CNTN3: variants seen among roughly 807,000 people sequenced by gnomAD.
CNTN3 encodes contactin 3, also known as contactin-3.
Under a neutral mutation model 119.1 loss-of-function variants are expected in CNTN3, and 60 were observed. That is an observed-to-expected ratio of 0.50 (90% confidence interval 0.41 to 0.62). CNTN3 has a LOEUF of 0.62. CNTN3 is among the 20% of genes least tolerant of loss of function. The pLI is 0.00. For synonymous variants in CNTN3, 450 were observed against 438.7 expected (o/e 1.03, Z -0.32); for missense variants, 1,101 against 1,242.4 (o/e 0.89, Z 1.71).
At chr3:74,470,158 T>C (rs908857183) in intron 4 of CNTN3, among the ~76,000 whole-genome samples, 3 of 152,084 alleles carry the variant, frequency 2.0e-5, no homozygotes, top group Non-Finnish European at 4.4e-5. Context: ...AGTAGATTCC[T>C]GCTTTTTAGG....
intron 4 of CNTN3, among the ~76,000 whole-genome samples, chr3:74,435,301 A>C (rs1285610928): frequency 1.3e-5 from 2 of 152,068 alleles, no homozygotes; most frequent in African/African-American, 4.8e-5. Context: ...CAGCCTCCCA[A>C]GTAGCTGGGT....
At chr3:74,382,893 G>A (rs949415246) in intron 5 of CNTN3, among the ~76,000 whole-genome samples, 8 of 152,100 alleles carry the variant, frequency 5.3e-5, no homozygotes, top group South Asian at 2.1e-4. Flanking sequence ...TAGTTTTTAC[G>A]TTGACCAATT....
rs955646804 is a variant in CNTN3, at chr3:74,602,073, C to T, written c.-81+12318G>A. Among the ~76,000 whole-genome samples, 9 of 151,922 alleles carry T rather than the reference C, an allele frequency of 5.9e-5. No homozygotes were observed. In the East Asian group the frequency reaches 1.6e-3, roughly 26 times the overall value. On this transcript the variant is annotated intron_variant, in intron 1 of 22. Transcript: ENST00000263665. ...CCTATAATCCCAGTACTTTGGGAGG[C>T]TTGAGACAGGAGGATCATTTCAGCC...
chr3:74,608,103 A>C (rs573305539), intron 1 of CNTN3, among the ~76,000 whole-genome samples: 23 of 152,350 alleles, frequency 1.5e-4, no homozygotes, highest in African/African-American at 5.3e-4. Flanking sequence ...ATTACTTTAA[A>C]ACAAAAAGCT....
At chr3:74,308,062 G>A (rs991451714) in intron 13 of CNTN3, among the ~76,000 whole-genome samples, 7 of 152,086 alleles carry the variant, frequency 4.6e-5, no homozygotes, top group Admixed American at 4.6e-4. Context: ...GAACCTGTAA[G>A]TTCCTTCTGG....
At chr3:74,440,007 C>T (rs1389606147) in intron 4 of CNTN3, among the ~76,000 whole-genome samples, 1 of 152,088 alleles carries the variant, frequency 6.6e-6, no homozygotes, top group Non-Finnish European at 1.5e-5. Context: ...ATATAAAGAC[C>T]CAAGGCAATG....
At chr3:74,474,750 G>A (rs1005078833) in intron 4 of CNTN3, among the ~76,000 whole-genome samples, 2 of 152,138 alleles carry the variant, frequency 1.3e-5, no homozygotes, top group Non-Finnish European at 2.9e-5. Flanking sequence ...AGTGTTGGAG[G>A]TGGGGCCTGG....
At chr3:74,488,981 C>T (rs1319659089) in intron 3 of CNTN3, among the ~76,000 whole-genome samples, 3 of 152,098 alleles carry the variant, frequency 2.0e-5, no homozygotes, top group African/African-American at 4.8e-5. Flanking sequence ...TTTAAGTCTA[C>T]CCTTAAGGTT....
chr3:74,352,225 G>A (rs1032125710), intron 11 of CNTN3, among the ~76,000 whole-genome samples: 5 of 152,214 alleles, frequency 3.3e-5, no homozygotes, highest in African/African-American at 7.2e-5. Context: ...TAGACAGCAT[G>A]TTCCCTACTC....
chr3:74,571,606 T>C (rs1019579646), intron 1 of CNTN3, among the ~76,000 whole-genome samples: 4 of 152,190 alleles, frequency 2.6e-5, no homozygotes, highest in Non-Finnish European at 5.9e-5. Context: ...TCTTGTGGTA[T>C]ATGTTCACAA....
Position 74,495,726 on chromosome 3 carries a change from A to G in CNTN3, c.182+3933T>C, listed in dbSNP as rs368120137. The stretch of plus-strand genomic sequence containing the variant: ...ATTCAGTTGACTATCAGTAAATTAA[A>G]TATGTGCAGGATGTGACTCCATTAT... On this transcript the variant is annotated intron_variant, in intron 3 of 22. Transcript: ENST00000263665. Among the ~76,000 whole-genome samples, 30 of 152,216 alleles carry G rather than the reference A, an allele frequency of 2.0e-4. 2 individuals carry two copies. The highest frequency in any genetic ancestry group is 7.2e-4 in the African/African-American group (30 of 41,560).
At chr3:74,403,543 G>C (rs1705251104) in intron 5 of CNTN3, among the ~76,000 whole-genome samples, 1 of 152,128 alleles carries the variant, frequency 6.6e-6, no homozygotes, top group Non-Finnish European at 1.5e-5. Flanking sequence ...ACAGCAATCA[G>C]AAAGGAATGT....
chr3:74,575,999 C>G (rs1434851717), intron 1 of CNTN3, among the ~76,000 whole-genome samples: 1 of 152,054 alleles, frequency 6.6e-6, no homozygotes, highest in Admixed American at 6.6e-5. Context: ...TAACCAACCC[C>G]TCCCCTAAGT....
chr3:74,613,979 C>T (rs1325600431), intron 1 of CNTN3, among the ~76,000 whole-genome samples: 1 of 152,144 alleles, frequency 6.6e-6, no homozygotes, highest in African/African-American at 2.4e-5. Context: ...GGAATCTGGG[C>T]CTGGGGGGTG....
chr3:74,481,750 A>G (rs568036811), intron 4 of CNTN3, among the ~76,000 whole-genome samples: 2 of 151,868 alleles, frequency 1.3e-5, no homozygotes, highest in African/African-American at 4.8e-5. Flanking sequence ...GATAAGAGAA[A>G]AATGAATGAA....
intron 21 of CNTN3, among the ~76,000 whole-genome samples, chr3:74,266,980 T>C (rs772516127): frequency 1.4e-4 from 22 of 152,124 alleles, no homozygotes; most frequent in Non-Finnish European, 2.9e-4. Context: ...TAGTTTTATT[T>C]ATTTATTTTT....
At chr3:74,287,133 C>T (rs997781627) in intron 19 of CNTN3, among the ~76,000 whole-genome samples, 1 of 152,160 alleles carries the variant, frequency 6.6e-6, no homozygotes, top group South Asian at 2.1e-4. Context: ...ATTCAAGTCT[C>T]AATACTGTAT....
intron 4 of CNTN3, among the ~76,000 whole-genome samples, chr3:74,443,941 G>C (rs116395177): frequency 6.6e-6 from 1 of 152,072 alleles, no homozygotes; most frequent in Non-Finnish European, 1.5e-5. Context: ...CTGGAGGCTG[G>C]AACTCTAAAA....
Position 74,503,230 on chromosome 3 carries a change from A to G in CNTN3, c.56-3445T>C, listed in dbSNP as rs78957860. Among the ~76,000 whole-genome samples the G allele has an allele frequency of 2.5e-3, 382 of 152,222 alleles. 7 individuals carry two copies. The East Asian group carries it at 0.061, about 24-fold the overall frequency. The stretch of plus-strand genomic sequence containing the variant: ...TTTCCATGAAGCCACACTGTTCTCA[A>G]TATGGTCAGAGGTGAAAATTAACCA... On this transcript the variant is annotated intron_variant, in intron 2 of 22. Transcript: ENST00000263665.
Sources: allele counts gnomAD v4.1 joint callset (sites outside exome capture counted in the v4.1 genomes callset), GRCh38; gene constraint gnomAD v4.1.1; transcripts MANE v1.5; gene names NCBI Gene and HGNC (gene_info 2026-07-23, HGNC 2026-07-21).